The following HYDIN variants were observed in gnomAD, a reference collection of about 807,000 sequenced individuals.
HYDIN encodes HYDIN axonemal central pair apparatus protein.
Under a neutral mutation model 403.9 loss-of-function variants are expected in HYDIN, and 132 were observed. The observed-to-expected ratio is 0.33, with a 90% CI of 0.28 to 0.38. The LOEUF is 0.38. HYDIN is among the 10% of genes least tolerant of loss of function. HYDIN has a pLI of 1.00. For synonymous variants in HYDIN, 1,202 were observed against 1,891.7 expected, an observed-to-expected ratio of 0.64 and a Z score of 9.46; for missense variants, 2,827 against 5,009.5, an observed-to-expected ratio of 0.56 and a Z score of 13.15.
At chr16:71,083,922 T>C (rs1597737074) in intron 12 of HYDIN, among the ~76,000 whole-genome samples, 1 of 132,746 alleles carries the variant, frequency 7.5e-6, no homozygotes, top group Non-Finnish European at 1.6e-5. Flanking sequence ...TTTTGCGCTT[T>C]GGGGCCTAAA....
chr16:71,230,517 T>G, intron 1 of HYDIN, 45 bp downstream of exon 1: 4 of 1,498,380 alleles, frequency 2.7e-6, no homozygotes, highest in Non-Finnish European at 3.6e-6. Flanking sequence ...TTAGCCCCCA[T>G]GTCCCTCACA....
Position 70,908,395 on chromosome 16 carries a change from C to A in HYDIN, c.8253G>T (p.Glu2751Asp), listed in dbSNP as rs1195648913. The change falls in exon 49 of 86, where the codon GAG (glutamate) becomes GAT (aspartate). Residue 2751 changes from glutamate to aspartate, a missense_variant. Physicochemically the swap from Glu to Asp is conservative, Grantham distance 45. Transcript: ENST00000393567. Reference sequence around the variant, plus strand: ...AAGAGAAGTGCACCTGCAACGTTACCTCGCCATTGGCTGGCACGATCCACC... The same window carrying A: ...AAGAGAAGTGCACCTGCAACGTTACATCGCCATTGGCTGGCACGATCCACC... ...HFRWIVPANG[E>D]VTLQVHFSSD... The A allele has an allele frequency of 7.7e-7, 1 of 1,292,972 alleles. No individual in the cohort carries two copies. Among genetic ancestry groups the A allele is most frequent in the Non-Finnish European group, 1.1e-6 (1 of 936,048 alleles). The allele number at this position is 1,292,972 out of a possible 1,614,324, so 80.1% of individuals were successfully genotyped here.
chr16:70,996,894 C>T (rs893413716), intron 23 of HYDIN, among the ~76,000 whole-genome samples: 1 of 151,624 alleles, frequency 6.6e-6, no homozygotes, highest in Non-Finnish European at 1.5e-5. Flanking sequence ...GATTCAAGCA[C>T]ATTACACTTA....
intron 46 of HYDIN, among the ~76,000 whole-genome samples, 158 bp downstream of exon 46, chr16:70,920,433 G>C (rs1294591530): frequency 6.6e-6 from 1 of 151,714 alleles, no homozygotes; most frequent in Non-Finnish European, 1.5e-5. Flanking sequence ...AAGTAGAAAA[G>C]GTCCTTTAGT....
intron 41 of HYDIN, among the ~76,000 whole-genome samples, chr16:70,944,659 C>A (rs922647903): frequency 4.6e-5 from 7 of 152,168 alleles, no homozygotes; most frequent in African/African-American, 1.7e-4. Context: ...TACGCAGGGC[C>A]TTGTAGCCCA....
At chr16:71,151,453 T>C (rs2085533968) in intron 7 of HYDIN, among the ~76,000 whole-genome samples, 1 of 151,608 alleles carries the variant, frequency 6.6e-6, no homozygotes, top group Non-Finnish European at 1.5e-5. Context: ...CAAGTTTCTA[T>C]CTACACACAG....
At chr16:71,022,139 C>T (rs1340373282) in intron 21 of HYDIN, among the ~76,000 whole-genome samples, 1 of 151,768 alleles carries the variant, frequency 6.6e-6, no homozygotes, top group East Asian at 1.9e-4. Flanking sequence ...GGAGAACTGT[C>T]CACCCAGTGA....
intron 53 of HYDIN, among the ~76,000 whole-genome samples, chr16:70,898,057 T>C (rs1314712075): frequency 6.6e-6 from 1 of 151,776 alleles, no homozygotes; most frequent in African/African-American, 2.4e-5. Context: ...TGGTCCTAGC[T>C]ACTCAGGAGG....
At chr16:70,883,529 C>T (rs2040938134) in intron 59 of HYDIN, among the ~76,000 whole-genome samples, 1 of 152,096 alleles carries the variant, frequency 6.6e-6, no homozygotes, top group Admixed American at 6.5e-5. Context: ...CCATGTCTGC[C>T]AGAAATCTTT....
Position 70,943,854 on chromosome 16 carries a change from G to C in HYDIN, c.6627C>G (p.Leu2209=), listed in dbSNP as rs760277100. ...GGATCTGCACGAGAAGTTCATCCGG[G>C]AGCACACAGCTCATCAGCCCGGTCT... The part of the protein sequence containing the change: ...GGETGLMSCV[L]PDELLVQILA... The change falls in exon 42 of 86, where the codon CTC becomes CTG. Residue 2209 remains leucine, a synonymous_variant. Transcript: ENST00000393567. 1.9e-6 allele frequency: 3 copies of C among 1,613,606 alleles called. No homozygotes were observed. The South Asian group carries it at 3.3e-5, about 18-fold the overall frequency.
chr16:71,100,631 T>C (rs1404131427), intron 10 of HYDIN, among the ~76,000 whole-genome samples: 1 of 152,220 alleles, frequency 6.6e-6, no homozygotes, highest in Non-Finnish European at 1.5e-5. Context: ...AGGTGTTGAA[T>C]ATCAGTGAGG....
chr16:70,894,252 G>A (rs2041657435), intron 55 of HYDIN, 197 bp downstream of exon 55: 1 of 606,760 alleles, frequency 1.6e-6, no homozygotes, highest in Non-Finnish European at 2.9e-6. Context: ...TTGAAGCCAA[G>A]GGAGGCAAAA....
At chr16:70,960,304 T>C (rs1191897750) in intron 38 of HYDIN, among the ~76,000 whole-genome samples, 1 of 151,056 alleles carries the variant, frequency 6.6e-6, no homozygotes, top group Non-Finnish European at 1.5e-5. Flanking sequence ...TCAAGTTGTA[T>C]TGGAACATAG....
chr16:71,118,038 G>A (rs2084110359), intron 9 of HYDIN, among the ~76,000 whole-genome samples: 1 of 152,056 alleles, frequency 6.6e-6, no homozygotes, highest in Non-Finnish European at 1.5e-5. Context: ...TAGAAACGTG[G>A]TGCCTCCACC....
intron 11 of HYDIN, among the ~76,000 whole-genome samples, chr16:71,092,386 T>C (rs1482769088): frequency 8.5e-5 from 13 of 152,194 alleles, no homozygotes; most frequent in South Asian, 2.1e-4. Context: ...ACCTTTGTTT[T>C]GGACTTTATG....
chr16:71,219,223 G>T (rs539893238), intron 1 of HYDIN, among the ~76,000 whole-genome samples: 1 of 152,132 alleles, frequency 6.6e-6, no homozygotes, highest in South Asian at 2.1e-4. Flanking sequence ...AACAGACACA[G>T]ATACAGTCAG....
chr16:70,884,483 T>C lies in HYDIN; in HGVS notation c.9775-359A>G, dbSNP rs1597218280. Among the ~76,000 whole-genome samples the C allele has an allele frequency of 2.6e-5, 4 of 152,198 alleles. No individual in the cohort carries two copies. In the Middle Eastern group the frequency reaches 0.01, roughly 388 times the overall value. ...GCGTAGTGGGTGAGGTTATGGGCCTTTGAGTGACACACGCCTGGGTTTGAA... is the reference window on the plus strand; with the variant it reads ...GCGTAGTGGGTGAGGTTATGGGCCTCTGAGTGACACACGCCTGGGTTTGAA... On this transcript the variant is annotated intron_variant, in intron 58 of 85. Transcript: ENST00000393567.
At chr16:71,225,952 T>C (rs1446980156) in intron 1 of HYDIN, among the ~76,000 whole-genome samples, 1 of 152,200 alleles carries the variant, frequency 6.6e-6, no homozygotes, top group East Asian at 1.9e-4. Context: ...TGTTCATAAA[T>C]TGGAAGATTC....
chr16:70,985,408 G>C, intron 27 of HYDIN, 86 bp from the exon 28 acceptor site: 2 of 1,101,668 alleles, frequency 1.8e-6, no homozygotes, highest in Non-Finnish European at 2.6e-6. Flanking sequence ...TCATGGATAA[G>C]GGTGTGACAG....
Sources: gnomAD v4.1 joint callset for allele counts (sites outside exome capture counted in the v4.1 genomes callset) on GRCh38, gnomAD v4.1.1 for gene constraint, MANE v1.5 for transcripts, NCBI Gene and HGNC (gene_info 2026-07-23, HGNC 2026-07-21) for gene names.